Variants in TNFSF11 observed in about 807,000 individuals in gnomAD.
TNFSF11 encodes TNF superfamily member 11, also known as tumor necrosis factor ligand superfamily member 11.
A neutral mutation model predicts 32.2 loss-of-function variants in TNFSF11; 12 were observed. That is an observed-to-expected ratio of 0.37 (90% CI 0.24 to 0.60). The LOEUF (loss-of-function observed/expected upper bound fraction) is 0.60, where lower values mean the gene tolerates loss of function less well. Ranked by LOEUF, TNFSF11 falls within the 20% of genes least tolerant of loss-of-function variation. The pLI is 0.66. For missense variants in TNFSF11, 345 were observed against 398.0 expected (o/e 0.87, Z 1.13); for synonymous variants, 172 against 152.1 (o/e 1.13, Z -0.96).
intron 1 of TNFSF11, among the ~76,000 whole-genome samples, chr13:42,577,287 C>A (rs539353981): frequency 6.6e-6 from 1 of 152,022 alleles, no homozygotes; most frequent in Non-Finnish European, 1.5e-5. Context: ...ATTACGGTGA[C>A]GGTTAAAAAG....
chr13:42,581,442 GA>G (rs1873612006), intron 2 of TNFSF11, 149 bp downstream of exon 2: 2 of 880,846 alleles, frequency 2.3e-6, no homozygotes, highest in Admixed American at 2.7e-5. Context: ...GAGATTAGCA[GA>G]ATTATTTTGA....
At chr13:42,594,188 C>T (rs573588156) in intron 2 of TNFSF11, among the ~76,000 whole-genome samples, 2 of 151,978 alleles carry the variant, frequency 1.3e-5, no homozygotes, top group Non-Finnish European at 2.9e-5. Flanking sequence ...CAAGCGATCT[C>T]GTGCCTTAGC....
intron 2 of TNFSF11, among the ~76,000 whole-genome samples, chr13:42,598,447 C>T (rs537195169): frequency 2.6e-4 from 39 of 152,284 alleles, no homozygotes; most frequent in Non-Finnish European, 4.4e-4. Flanking sequence ...TTGCTGGCAC[C>T]AAAGTGAAGA....
At chr13:42,594,948 T>A (rs74917101) in intron 2 of TNFSF11, among the ~76,000 whole-genome samples, 82 of 139,816 alleles carry the variant, frequency 5.9e-4, no homozygotes, top group Middle Eastern at 3.6e-3. Context: ...AGTTGAAATT[T>A]AAAAAAAAAA....
In TNFSF11 at chr13:42,589,765, G is replaced by A. The variant is rs975593975; in HGVS notation, c.387+8472G>A. On this transcript the variant is annotated intron_variant, in intron 2 of 4. Coordinates refer to ENST00000398795, the MANE Select transcript of TNFSF11 (RefSeq NM_003701.4). The stretch of plus-strand genomic sequence containing the variant: ...AGGGCAAAGGGCATGTCTGTCCTGC[G>A]AACAGTGTCCTCAGAAACCCACAGG... Among the ~76,000 whole-genome samples, 6 of 152,170 alleles carry A rather than the reference G, an allele frequency of 3.9e-5. No individual in the cohort carries two copies. The South Asian group carries it at 1.0e-3, about 26-fold the overall frequency.
intron 2 of TNFSF11, among the ~76,000 whole-genome samples, chr13:42,594,378 A>G (rs1176765134): frequency 1.3e-5 from 2 of 151,894 alleles, no homozygotes; most frequent in African/African-American, 4.8e-5. Flanking sequence ...CCACTGCACC[A>G]GGCCTATTTA....
chr13:42,568,473 A>G (rs955370932), intron 2 of TNFSF11, among the ~76,000 whole-genome samples: 2 of 152,248 alleles, frequency 1.3e-5, no homozygotes, highest in Admixed American at 6.5e-5. Context: ...TTTTAATTCA[A>G]TTGTCCATTG....
chr13:42,581,735 T>A (rs531243345), intron 2 of TNFSF11, among the ~76,000 whole-genome samples: 3 of 152,306 alleles, frequency 2.0e-5, no homozygotes, highest in South Asian at 2.1e-4. Flanking sequence ...AGGGCTCTGA[T>A]GAGAAGCAGT....
intron 2 of TNFSF11, among the ~76,000 whole-genome samples, chr13:42,567,540 C>A (rs1381759538): frequency 6.6e-6 from 1 of 152,218 alleles, no homozygotes; most frequent in South Asian, 2.1e-4. Flanking sequence ...CTAAACCAAA[C>A]CAACCAAATA....
chr13:42,606,236 G>A (rs973649618), intron 4 of TNFSF11, among the ~76,000 whole-genome samples: 1 of 152,086 alleles, frequency 6.6e-6, no homozygotes. Context: ...AACACATATC[G>A]TACTTACCCC....
intron 1 of TNFSF11, among the ~76,000 whole-genome samples, chr13:42,566,161 A>T (rs1872861522): frequency 6.6e-6 from 1 of 152,206 alleles, no homozygotes; most frequent in Non-Finnish European, 1.5e-5. Context: ...TTCTTGGGAG[A>T]CTATAATCAC....
At chr13:42,604,489 G>T (rs1377901981) in intron 4 of TNFSF11, among the ~76,000 whole-genome samples, 1 of 152,172 alleles carries the variant, frequency 6.6e-6, no homozygotes, top group African/African-American at 2.4e-5. Context: ...TCCTGTTTCT[G>T]GACAGAGGGA....
chr13:42,596,651 A>G (rs1868823929), intron 2 of TNFSF11, among the ~76,000 whole-genome samples: 1 of 152,230 alleles, frequency 6.6e-6, no homozygotes, highest in East Asian at 1.9e-4. Flanking sequence ...TTCTAACAAA[A>G]GTCAAATATG....
At chr13:42,585,959 A>G (rs1873875568) in intron 2 of TNFSF11, among the ~76,000 whole-genome samples, 1 of 152,222 alleles carries the variant, frequency 6.6e-6, no homozygotes, top group Non-Finnish European at 1.5e-5. Flanking sequence ...CTTCTCCAAA[A>G]TGGGATGTTC....
chr13:42,580,043 G>A (rs537283592), intron 1 of TNFSF11, among the ~76,000 whole-genome samples: 1 of 152,120 alleles, frequency 6.6e-6, no homozygotes, highest in Non-Finnish European at 1.5e-5. Context: ...TTAAAAGAGA[G>A]AAAGAGACTT....
At chr13:42,578,983 G>A (rs1315986857) in intron 1 of TNFSF11, among the ~76,000 whole-genome samples, 3 of 152,112 alleles carry the variant, frequency 2.0e-5, no homozygotes, top group Non-Finnish European at 2.9e-5. Context: ...GAATCACCTG[G>A]GATCTAGTTA....
chr13:42,596,639 G>C (rs891699124), intron 2 of TNFSF11, among the ~76,000 whole-genome samples: 1 of 152,188 alleles, frequency 6.6e-6, no homozygotes, highest in African/African-American at 2.4e-5. Flanking sequence ...TCCAGGCTCT[G>C]ATTCTAACAA....
At chr13:42,588,003 G>A (rs994026582) in intron 2 of TNFSF11, among the ~76,000 whole-genome samples, 6 of 152,192 alleles carry the variant, frequency 3.9e-5, no homozygotes, top group African/African-American at 1.2e-4. Flanking sequence ...AAGAGTATGT[G>A]TCCGAAGAAA....
intron 2 of TNFSF11, among the ~76,000 whole-genome samples, chr13:42,583,403 T>C (rs1375180292): frequency 1.7e-4 from 10 of 59,612 alleles, no homozygotes; most frequent in Non-Finnish European, 1.2e-4. Flanking sequence ...CTGGGTGACA[T>C]AGCAAGACCC....
Sources: gnomAD v4.1 joint callset for allele counts (sites outside exome capture counted in the v4.1 genomes callset) on GRCh38, gnomAD v4.1.1 for gene constraint, MANE v1.5 for transcripts, NCBI Gene and HGNC (gene_info 2026-07-23, HGNC 2026-07-21) for gene names.